Variants in NCKAP5 observed in about 807,000 individuals in gnomAD.
NCKAP5 encodes NCK associated protein 5, also known as nck-associated protein 5.
Under a neutral mutation model 167.0 loss-of-function variants are expected in NCKAP5, and 92 were observed. The observed-to-expected ratio is 0.55, with a 90% confidence interval of 0.47 to 0.66. The LOEUF (loss-of-function observed/expected upper bound fraction) is 0.66. NCKAP5 is among the 30% of genes least tolerant of loss of function. The probability of loss-of-function intolerance (pLI) is 0.00; values close to 1 mark genes in which losing one functional copy is unlikely to be tolerated. For missense variants in NCKAP5, 2,378 were observed against 2,315.0 expected (o/e 1.03, Z -0.56); for synonymous variants, 891 against 877.4 (o/e 1.02, Z -0.27).
intron 3 of NCKAP5, among the ~76,000 whole-genome samples, chr2:133,504,708 CAA>C: frequency 6.6e-6 from 1 of 152,270 alleles, no homozygotes; most frequent in African/African-American, 2.4e-5. Context: ...CCAGTTTTCC[CAA>C]GTCAGCAGCC....
intron 2 of NCKAP5, among the ~76,000 whole-genome samples, chr2:133,542,332 T>G (rs765115468): frequency 2.6e-5 from 4 of 152,210 alleles, no homozygotes; most frequent in Non-Finnish European, 5.9e-5. Flanking sequence ...GCCCAGTATC[T>G]CATTAATTGG....
intron 2 of NCKAP5, among the ~76,000 whole-genome samples, chr2:133,544,496 C>T (rs1405017845): frequency 6.6e-6 from 1 of 152,180 alleles, no homozygotes; most frequent in African/African-American, 2.4e-5. Context: ...TAATATGTCA[C>T]AGAGGTCTTT....
chr2:133,365,974 C>G (rs889153884), intron 3 of NCKAP5, among the ~76,000 whole-genome samples: 11 of 152,106 alleles, frequency 7.2e-5, no homozygotes, highest in African/African-American at 2.7e-4. Context: ...ATAGAAAATG[C>G]CTTATTCAAC....
chr2:133,294,622 A>C (rs1679830517), intron 4 of NCKAP5, among the ~76,000 whole-genome samples: 1 of 152,210 alleles, frequency 6.6e-6, no homozygotes, highest in Non-Finnish European at 1.5e-5. Flanking sequence ...CCTCTAGCTA[A>C]AAATGTATAG....
chr2:132,933,898 C>T (rs1446494122), intron 8 of NCKAP5, among the ~76,000 whole-genome samples: 1 of 152,124 alleles, frequency 6.6e-6, no homozygotes, highest in African/African-American at 2.4e-5. Flanking sequence ...TGGAGATGTT[C>T]ACTACACAAT....
chr2:132,934,813 G>A (rs1013037229), intron 8 of NCKAP5, among the ~76,000 whole-genome samples: 23 of 152,246 alleles, frequency 1.5e-4, no homozygotes, highest in African/African-American at 5.1e-4. Context: ...AATGCCCTCT[G>A]GAACCCATTT....
At chr2:133,614,234 G>A in the NCKAP5 span, among the ~76,000 whole-genome samples, 1 of 152,148 alleles carries the variant, frequency 6.6e-6, no homozygotes, top group African/African-American at 2.4e-5. Flanking sequence ...CCTGGTCACC[G>A]GCTGCCAGGA....
intron 3 of NCKAP5, among the ~76,000 whole-genome samples, chr2:133,392,469 T>C (rs1325612281): frequency 2.0e-5 from 3 of 152,208 alleles, no homozygotes; most frequent in Non-Finnish European, 1.5e-5. Flanking sequence ...GACTGTAGTA[T>C]ACGACTTTAA....
intron 11 of NCKAP5, among the ~76,000 whole-genome samples, chr2:132,855,005 G>A (rs1186448514): frequency 2.6e-5 from 4 of 152,066 alleles, no homozygotes; most frequent in Non-Finnish European, 5.9e-5. Flanking sequence ...TCTATAGAGG[G>A]TCTTGGGCAT....
At chr2:132,882,160 T>C (rs1691806808) in intron 8 of NCKAP5, among the ~76,000 whole-genome samples, 1 of 152,200 alleles carries the variant, frequency 6.6e-6, no homozygotes, top group South Asian at 2.1e-4. Context: ...CAAAAAGAGA[T>C]GTTCTAGGAC....
intron 3 of NCKAP5, among the ~76,000 whole-genome samples, chr2:133,413,798 A>T (rs569627036): frequency 6.6e-6 from 1 of 152,300 alleles, no homozygotes; most frequent in East Asian, 1.9e-4. Context: ...GACAGGCATT[A>T]CAATCTTCAT....
intron 6 of NCKAP5, among the ~76,000 whole-genome samples, chr2:133,039,305 T>A (rs1014575557): frequency 1.3e-5 from 2 of 152,200 alleles, no homozygotes; most frequent in African/African-American, 4.8e-5. Flanking sequence ...ACTTCAATAG[T>A]TGGCCATGGG....
chr2:133,660,064 A>G, the NCKAP5 span, among the ~76,000 whole-genome samples: 1 of 152,170 alleles, frequency 6.6e-6, no homozygotes, highest in South Asian at 2.1e-4. Context: ...TTGGACTAAC[A>G]CATGCTTTTG....
intron 5 of NCKAP5, among the ~76,000 whole-genome samples, chr2:133,190,228 G>A (rs1312064252): frequency 1.3e-5 from 2 of 151,996 alleles, no homozygotes; most frequent in African/African-American, 2.4e-5. Flanking sequence ...GGACATGAAG[G>A]ACCTCTTCAA....
rs555071375 is a variant in NCKAP5 at position 132,885,516 on chromosome 2, G to A, written c.580-6600C>T. Reference sequence around the variant, plus strand: ...CTTAGCCCGGGATTTCCTGCTCAGCGTGGTTTCCCCATGGCTCCAAATTAT... The same window carrying A: ...CTTAGCCCGGGATTTCCTGCTCAGCATGGTTTCCCCATGGCTCCAAATTAT... On this transcript the variant is annotated intron_variant, in intron 8 of 19. Coordinates refer to ENST00000409261, the MANE Select transcript of NCKAP5 (RefSeq NM_207363.3). Among the ~76,000 whole-genome samples the A allele has an allele frequency of 7.2e-5, 11 of 152,314 alleles. No homozygotes were observed. The East Asian group carries it at 1.7e-3, about 24-fold the overall frequency.
At chr2:133,266,968 C>G (rs1381096919) in intron 4 of NCKAP5, among the ~76,000 whole-genome samples, 2 of 152,080 alleles carry the variant, frequency 1.3e-5, no homozygotes, top group Non-Finnish European at 2.9e-5. Context: ...TCCGCCGGGC[C>G]CCCCCATCAG....
chr2:133,477,960 A>G (rs1680080041), intron 3 of NCKAP5, among the ~76,000 whole-genome samples: 1 of 152,204 alleles, frequency 6.6e-6, no homozygotes, highest in African/African-American at 2.4e-5. Context: ...GTTGATAGTA[A>G]TTGACACTGC....
intron 7 of NCKAP5, among the ~76,000 whole-genome samples, chr2:132,977,852 T>A (rs982716966): frequency 1.3e-5 from 2 of 152,204 alleles, no homozygotes; most frequent in African/African-American, 4.8e-5. Context: ...TTGCTAGTAA[T>A]ACTGTCCTGG....
chr2:133,502,575 G>A (rs1682621139), intron 3 of NCKAP5, among the ~76,000 whole-genome samples: 1 of 152,038 alleles, frequency 6.6e-6, no homozygotes, highest in Admixed American at 6.6e-5. Context: ...TCCTCTGTAT[G>A]CCATATGTCT....
Sources: allele counts gnomAD v4.1 joint callset (sites outside exome capture counted in the v4.1 genomes callset), GRCh38; gene constraint gnomAD v4.1.1; transcripts MANE v1.5; gene names NCBI Gene and HGNC (gene_info 2026-07-23, HGNC 2026-07-21).